MTUS2: variants seen among roughly 807,000 people sequenced by gnomAD.
MTUS2 encodes microtubule associated scaffold protein 2, also known as microtubule-associated tumor suppressor candidate 2.
Under a neutral mutation model 114.1 loss-of-function variants are expected in MTUS2, and 40 were observed. The ratio of observed to expected loss-of-function variants is 0.35; its 90% CI spans 0.27 to 0.46. The LOEUF (loss-of-function observed/expected upper bound fraction) is 0.46. MTUS2 is among the 20% of genes least tolerant of loss of function. The pLI is 1.00. For synonymous variants in MTUS2, 688 were observed against 672.0 expected, an observed-to-expected ratio of 1.02 and a Z score of -0.37; for missense variants, 1,679 against 1,705.4, an observed-to-expected ratio of 0.98 and a Z score of 0.27.
intron 8 of MTUS2, among the ~76,000 whole-genome samples, chr13:29,429,457 G>A (rs1233795526): frequency 1.3e-5 from 2 of 152,198 alleles, no homozygotes; most frequent in African/African-American, 4.8e-5. Context: ...AACTTAAAAA[G>A]CCAGAGAGAG....
intron 2 of MTUS2, among the ~76,000 whole-genome samples, chr13:28,906,290 C>A (rs1258001363): frequency 2.0e-5 from 3 of 151,216 alleles, no homozygotes; most frequent in African/African-American, 7.3e-5. Context: ...TTCTTGCCTT[C>A]TGCTAGCTTT....
chr13:29,309,395 A>G (rs11147373), intron 6 of MTUS2, among the ~76,000 whole-genome samples: 43,315 of 151,908 alleles, frequency 0.29, 6,681 homozygotes, highest in Admixed American at 0.4. Flanking sequence ...ACACATGGAT[A>G]CATGATGGGG....
At chr13:29,052,477 AGAAAAGG>A (rs1887947174) in intron 4 of MTUS2, among the ~76,000 whole-genome samples, 1 of 146,594 alleles carries the variant, frequency 6.8e-6, no homozygotes. Context: ...AAAAAAAAAA[AGAAAAGG>A]AAAAGAAAAA....
intron 9 of MTUS2, among the ~76,000 whole-genome samples, chr13:29,459,493 T>C (rs1467913149): frequency 6.6e-6 from 1 of 152,090 alleles, no homozygotes; most frequent in East Asian, 1.9e-4. Context: ...CCCCTACCCT[T>C]GCCCCTAAGT....
chr13:29,503,230 C>T lies in MTUS2; in HGVS notation c.*24C>T. ...GACGCCACTACACGGCCTGCGGGAG[C>T]TCCGGCTTCTCGTCCTCCGGTCTCC... On this transcript the variant is annotated 3_prime_UTR_variant, in exon 16 of 16. Transcript: ENST00000612955. The T allele has an allele frequency of 6.2e-7, 1 of 1,610,446 alleles. No homozygotes were observed. The highest frequency in any genetic ancestry group is 1.1e-5 in the South Asian group (1 of 90,974).
intron 2 of MTUS2, among the ~76,000 whole-genome samples, chr13:28,989,493 C>G (rs1382417427): frequency 1.3e-5 from 2 of 152,204 alleles, no homozygotes; most frequent in Admixed American, 1.3e-4. Context: ...TCAGCAATCT[C>G]TAAGAAGGAG....
chr13:29,093,073 G>A (rs754334800), intron 4 of MTUS2, among the ~76,000 whole-genome samples: 14 of 152,102 alleles, frequency 9.2e-5, no homozygotes, highest in Admixed American at 6.6e-5. Context: ...AGCTTTCCCC[G>A]ATATGGGGCC....
intron 2 of MTUS2, among the ~76,000 whole-genome samples, chr13:28,845,906 A>G (rs1276017942): frequency 6.6e-6 from 1 of 152,078 alleles, no homozygotes; most frequent in South Asian, 2.1e-4. Context: ...GCACTCAATA[A>G]TATAACAGTG....
intron 2 of MTUS2, among the ~76,000 whole-genome samples, chr13:28,968,872 C>G (rs1177384584): frequency 6.6e-6 from 1 of 151,884 alleles, no homozygotes; most frequent in Non-Finnish European, 1.5e-5. Context: ...TCAAAGTATA[C>G]TAAAAATGTA....
Position 28,929,856 on chromosome 13 carries a change from A to G in MTUS2, c.-243+90006A>G, listed in dbSNP as rs535109532. On this transcript the variant is annotated intron_variant, in intron 2 of 15. Coordinates refer to ENST00000612955, the MANE Select transcript of MTUS2 (RefSeq NM_001033602.4). ...TGGAGGGGACCCCACTGTGTAGTAT[A>G]TGATCATTTTTGAGGATGAGAGTTA... Among the ~76,000 whole-genome samples, 4 of 152,300 alleles carry G rather than the reference A, an allele frequency of 2.6e-5. No homozygotes were observed. The East Asian group carries it at 5.8e-4, about 22-fold the overall frequency.
chr13:29,136,712 A>C (rs1429234063), intron 5 of MTUS2, among the ~76,000 whole-genome samples: 1 of 152,158 alleles, frequency 6.6e-6, no homozygotes, highest in Non-Finnish European at 1.5e-5. Context: ...ACCTCACCCT[A>C]TACATCTCTT....
In MTUS2 at chr13:29,005,015, C is replaced by T. The variant is rs543715036; in HGVS notation, c.-242-19442C>T. Among the ~76,000 whole-genome samples the T allele has an allele frequency of 3.3e-5, 5 of 152,248 alleles. No homozygotes were observed. The East Asian group carries it at 9.7e-4, about 29-fold the overall frequency. ...GGGCTGCTCTCTAGAGGGACTTCAC[C>T]AACACCTCGTGCCTGCCATGGTGCA... is the stretch of plus-strand genomic sequence containing the variant. On this transcript the variant is annotated intron_variant, in intron 2 of 15. Transcript: ENST00000612955.
chr13:29,140,874 A>G (rs1892191737), intron 5 of MTUS2, among the ~76,000 whole-genome samples: 1 of 152,162 alleles, frequency 6.6e-6, no homozygotes, highest in Non-Finnish European at 1.5e-5. Context: ...GTATATGCTC[A>G]TGCTCATCCC....
chr13:29,257,506 T>C (rs1185971607), intron 5 of MTUS2, among the ~76,000 whole-genome samples: 1 of 152,172 alleles, frequency 6.6e-6, no homozygotes, highest in East Asian at 1.9e-4. Context: ...CATGATATAT[T>C]CACAGCATGA....
intron 2 of MTUS2, among the ~76,000 whole-genome samples, chr13:28,895,794 C>T (rs956399912): frequency 1.3e-5 from 2 of 152,166 alleles, no homozygotes; most frequent in African/African-American, 2.4e-5. Context: ...AATGAATTAA[C>T]GTTAAATACA....
chr13:29,414,603 A>G (rs1875532120), intron 8 of MTUS2, among the ~76,000 whole-genome samples: 1 of 151,826 alleles, frequency 6.6e-6, no homozygotes, highest in Non-Finnish European at 1.5e-5. Flanking sequence ...TGATGGGCTC[A>G]ATTTTGGGAA....
intron 5 of MTUS2, among the ~76,000 whole-genome samples, chr13:29,106,274 C>A (rs955490836): frequency 6.6e-6 from 1 of 152,184 alleles, no homozygotes; most frequent in African/African-American, 2.4e-5. Context: ...TAGTACAAAC[C>A]AAAACCTTCT....
chr13:29,099,535 T>C (rs1838331824), intron 4 of MTUS2, among the ~76,000 whole-genome samples: 1 of 152,224 alleles, frequency 6.6e-6, no homozygotes, highest in Non-Finnish European at 1.5e-5. Flanking sequence ...AGATGCTTTC[T>C]AATATGTGGT....
At chr13:29,017,490 C>G (rs1014100046) in intron 2 of MTUS2, among the ~76,000 whole-genome samples, 2 of 152,158 alleles carry the variant, frequency 1.3e-5, no homozygotes, top group African/African-American at 2.4e-5. Context: ...CTTTCGAAAC[C>G]CATGCCTCCT....
Sources: allele counts gnomAD v4.1 joint callset (sites outside exome capture counted in the v4.1 genomes callset), GRCh38; gene constraint gnomAD v4.1.1; transcripts MANE v1.5; gene names NCBI Gene and HGNC (gene_info 2026-07-23, HGNC 2026-07-21).